ARMC9: variants seen among roughly 807,000 people sequenced by gnomAD.
The protein encoded by ARMC9 is lisH domain-containing protein ARMC9.
ARMC9 carries 94 observed loss-of-function variants against 107.0 expected under a neutral mutation model. The observed-to-expected ratio is 0.88, with a 90% CI of 0.74 to 1.04. ARMC9 has a LOEUF of 1.04. Ranked by LOEUF, ARMC9 falls within the 50% of genes least tolerant of loss-of-function variation. ARMC9 has a pLI of 0.00. For synonymous variants in ARMC9, 380 were observed against 396.9 expected (o/e 0.96, Z 0.51); for missense variants, 942 against 1,030.1 (o/e 0.91, Z 1.17).
chr2:231,214,531 G>A (rs551535158), intron 3 of ARMC9, among the ~76,000 whole-genome samples: 2 of 152,314 alleles, frequency 1.3e-5, no homozygotes, highest in Admixed American at 1.3e-4. Context: ...GTATATTTAC[G>A]TGTCCAAGAG....
In ARMC9 at chr2:231,345,085, C is replaced by T. The variant is rs1199136452; in HGVS notation, c.1989C>T (p.Tyr663=). The T allele has an allele frequency of 8.7e-6, 14 of 1,613,560 alleles. No individual in the cohort carries two copies. In the South Asian group the frequency reaches 1.3e-4, roughly 15 times the overall value. ...PVTPGGHRNG[Y]PVVEDQHTPP... ...CCCCCGGCGGCCACAGAAACGGGTA[C>T]CCAGTGTAAGTCAGGGCTAAAGGAA... Residue 663 remains tyrosine (Y), a synonymous_variant, in exon 21 of 25, where the codon TAC becomes TAT. Coordinates refer to ENST00000611582, the MANE Select transcript of ARMC9 (RefSeq NM_001352754.2).
intron 19 of ARMC9, among the ~76,000 whole-genome samples, chr2:231,310,621 C>T (rs1210499877): frequency 6.6e-6 from 1 of 151,106 alleles, no homozygotes; most frequent in Non-Finnish European, 1.5e-5. Context: ...ATCCCAGCTA[C>T]TTGGGAGGCT....
chr2:231,275,018 C>G (rs1467147157), intron 14 of ARMC9, among the ~76,000 whole-genome samples: 1 of 152,062 alleles, frequency 6.6e-6, no homozygotes, highest in Non-Finnish European at 1.5e-5. Flanking sequence ...GTAACAGATA[C>G]AAGATATGGT....
rs368144398 is a variant in ARMC9 at position 231,278,995 on chromosome 2, T to C, written c.1551+537T>C. Among the ~76,000 whole-genome samples the C allele has an allele frequency of 2.1e-3, 320 of 152,342 alleles. 1 individual carries two copies. The highest frequency in any genetic ancestry group is 7.1e-3 in the African/African-American group (295 of 41,584). ...GTTTGTGCCCCTGACATTTTACTTA[T>C]CCAGCCTGTACACTTCGAGTGCCAT... On this transcript the variant is annotated intron_variant, in intron 16 of 24. Coordinates refer to ENST00000611582, the MANE Select transcript of ARMC9 (RefSeq NM_001352754.2).
In ARMC9 at chr2:231,358,924, C is replaced by T. The variant is rs1421140331; in HGVS notation, c.2132-1830C>T. ...AGGACTATCTTCAATATCAAAATCA[C>T]ATGCCTTGGGACTTCATAGCCCTGG... is the stretch of plus-strand genomic sequence containing the variant. On this transcript the variant is annotated intron_variant, in intron 22 of 24. Transcript: ENST00000611582. The surrounding 1 kb of genome is among the most constrained non-coding windows in gnomAD (Gnocchi z 4.5). 6.6e-6 allele frequency among the ~76,000 whole-genome samples: 1 copy of T among 152,154 alleles called. No individual in the cohort carries two copies.
intron 9 of ARMC9, chr2:231,256,306 A>T: frequency 6.4e-7 from 1 of 1,555,318 alleles, no homozygotes; most frequent in Non-Finnish European, 8.7e-7. Flanking sequence ...GGTTGCGCTG[A>T]GCTTGCTTGC....
intron 21 of ARMC9, among the ~76,000 whole-genome samples, chr2:231,346,449 A>G (rs544714950): frequency 1.3e-5 from 2 of 152,182 alleles, no homozygotes; most frequent in Non-Finnish European, 2.9e-5. Flanking sequence ...TGAACCCAGG[A>G]GGCGGAGCTT....
intron 23 of ARMC9, among the ~76,000 whole-genome samples, chr2:231,365,181 C>T (rs1191714475): frequency 6.6e-6 from 1 of 152,104 alleles, no homozygotes; most frequent in African/African-American, 2.4e-5. Context: ...AAGTCCAGGA[C>T]GGCAGTCACC....
Position 231,246,884 on chromosome 2 carries a change from C to T in ARMC9, c.879+6843C>T, listed in dbSNP as rs560744796. Among the ~76,000 whole-genome samples the T allele has an allele frequency of 1.2e-4, 18 of 152,124 alleles. No homozygotes were observed. In the South Asian group the frequency reaches 3.7e-3, roughly 32 times the overall value. ...CCAGGCTCACTGCAGCTTCGACCTC[C>T]TGGGCTCAGGTGCTCCTCCCACCTC... On this transcript the variant is annotated intron_variant, in intron 9 of 24. Coordinates refer to ENST00000611582, the MANE Select transcript of ARMC9 (RefSeq NM_001352754.2).
In ARMC9 at chr2:231,376,600, C is replaced by G. The variant is rs12623645; in HGVS notation, c.*5065C>G. ...TAAGATGTTATCAATGACAATGGTG[C>G]CCAAAACTTCATTAGCAATTTTAAT... On this transcript the variant is annotated 3_prime_UTR_variant, in exon 25 of 25. Transcript: ENST00000611582. 0.03 allele frequency among the ~76,000 whole-genome samples: 4,613 copies of G among 152,312 alleles called. 532 individuals are homozygous for G. The East Asian group carries it at 0.43, about 14-fold the overall frequency.
chr2:231,199,665 A>T (rs2030454231), intron 1 of ARMC9, among the ~76,000 whole-genome samples: 1 of 152,206 alleles, frequency 6.6e-6, no homozygotes, highest in Non-Finnish European at 1.5e-5. Flanking sequence ...CTATTATGAT[A>T]TAAAAGTTTA....
At chr2:231,201,525 A>C (rs2030975284) in intron 1 of ARMC9, among the ~76,000 whole-genome samples, 1 of 152,114 alleles carries the variant, frequency 6.6e-6, no homozygotes, top group South Asian at 2.1e-4. Flanking sequence ...GGAGCTTTTT[A>C]GTACTAGTCA....
At chr2:231,256,166 C>T in intron 9 of ARMC9, 4 of 1,534,796 alleles carry the variant, frequency 2.6e-6, no homozygotes, top group Non-Finnish European at 3.5e-6. Context: ...GACCGGCTCT[C>T]AGGGACAGTG....
intron 19 of ARMC9, among the ~76,000 whole-genome samples, chr2:231,302,437 GTTTTTTTTTTTTTT>G (rs56032700): frequency 1.7e-5 from 1 of 58,074 alleles, no homozygotes; most frequent in African/African-American, 5.6e-5. Context: ...TTGTGGGTTT[GTTTTTTTTTTTTTT>G]TTTTTTTTTT....
In ARMC9 at chr2:231,371,762, T is replaced by G; in HGVS notation, c.*227T>G. On this transcript the variant is annotated 3_prime_UTR_variant, in exon 25 of 25. Transcript: ENST00000611582. ...CCACCAAGGAGGGCTGGGGAGAGCC[T>G]GGCATTGCCCTCCTGGAGAGGGGAA... The G allele has an allele frequency of 2.5e-6, 1 of 404,066 alleles. No individual in the cohort carries two copies. The highest frequency in any genetic ancestry group is 4.3e-6 in the Non-Finnish European group (1 of 233,148). The allele number at this position is 404,066 out of a possible 1,614,324, so 25.0% of individuals were successfully genotyped here. A position where few individuals can be genotyped will look rare whatever the true frequency, so the allele number is the denominator to read the frequency against.
intron 1 of ARMC9, among the ~76,000 whole-genome samples, chr2:231,200,959 G>A (rs1424705687): frequency 1.3e-5 from 2 of 152,174 alleles, no homozygotes; most frequent in African/African-American, 4.8e-5. Context: ...GCCTGGGGGG[G>A]CAGAGCATAC....
At chr2:231,291,319 A>G in intron 17 of ARMC9, 34 bp from the exon 18 acceptor site, 1 of 1,560,526 alleles carries the variant, frequency 6.4e-7, no homozygotes, top group Non-Finnish European at 8.8e-7. Context: ...CCAGACACTG[A>G]AATGTTAACT....
rs2045526264 is a variant in ARMC9, at chr2:231,360,551, C to A, written c.2132-203C>A. On this transcript the variant is annotated intron_variant, in intron 22 of 24. Transcript: ENST00000611582. This position sits in a 1 kb window ranked among gnomAD's most constrained non-coding sequence, Gnocchi z 4.7. ...CCTGGGCTGTGCCTGTCACCACCAG[C>A]AGTGTGCCTGCCATCCCCCGCTACC... Among the ~76,000 whole-genome samples the A allele has an allele frequency of 6.6e-6, 1 of 152,192 alleles. No individual in the cohort carries two copies. Among genetic ancestry groups the A allele is most frequent in the Non-Finnish European group, 1.5e-5 (1 of 68,024 alleles).
chr2:231,207,348 T>C (rs1237267866), intron 2 of ARMC9, among the ~76,000 whole-genome samples: 1 of 152,206 alleles, frequency 6.6e-6, no homozygotes, highest in Non-Finnish European at 1.5e-5. Context: ...TTATTTGAGA[T>C]GGGGTCTCGC....
Sources: allele counts gnomAD v4.1 joint callset (sites outside exome capture counted in the v4.1 genomes callset), GRCh38; gene constraint gnomAD v4.1.1; non-coding constraint Gnocchi (gnomAD v3.1); transcripts MANE v1.5; gene names NCBI Gene and HGNC (gene_info 2026-07-23, HGNC 2026-07-21).